FNDC1: variants seen among roughly 807,000 people sequenced by gnomAD.
The protein encoded by FNDC1 is fibronectin type III domain containing 1.
A neutral mutation model predicts 168.0 loss-of-function variants in FNDC1; 96 were observed. The observed-to-expected ratio is 0.57, with a 90% CI of 0.48 to 0.68. FNDC1 has a LOEUF of 0.68. Among genes scored for constraint, FNDC1 ranks in the 30% least tolerant of loss-of-function variants. The pLI, the probability that FNDC1 is intolerant of heterozygous loss-of-function variation, is 0.00. For synonymous variants in FNDC1, 1,099 were observed against 1,025.9 expected (o/e 1.07, Z -1.36); for missense variants, 2,587 against 2,482.1 (o/e 1.04, Z -0.90).
intron 14 of FNDC1, among the ~76,000 whole-genome samples, chr6:159,246,195 G>A (rs294913): frequency 0.86 from 131,583 of 152,186 alleles, 57,091 homozygotes; most frequent in Middle Eastern, 0.92. Context: ...ATCTGTAAAG[G>A]GAAATTTGCA....
At chr6:159,178,071 A>C (rs140629433) in intron 1 of FNDC1, among the ~76,000 whole-genome samples, 50 of 152,300 alleles carry the variant, frequency 3.3e-4, no homozygotes, top group African/African-American at 1.1e-3. Context: ...AAAGGCCAGC[A>C]GGGGAGGATT....
At chr6:159,252,958 C>A (rs1275004841) in intron 17 of FNDC1, among the ~76,000 whole-genome samples, 1 of 152,166 alleles carries the variant, frequency 6.6e-6, no homozygotes, top group Non-Finnish European at 1.5e-5. Flanking sequence ...GAAGAAGGAG[C>A]TTTCAGAGAA....
In FNDC1 at chr6:159,234,198, C is replaced by G. The variant is rs1245385970; in HGVS notation, c.3686C>G (p.Ala1229Gly). The G allele has an allele frequency of 6.3e-7, 1 of 1,598,626 alleles. No individual in the cohort carries two copies. The highest frequency in any genetic ancestry group is 8.5e-7 in the Non-Finnish European group (1 of 1,172,730). ...AAGGAAGAGAGGGAGCCTGCCATCG[C>G]GCTTGCCCCTCGCGGAGGGAGCCTG... Reference protein sequence around the residue: ...LAKEEREPAIALAPRGGSLAP... With the variant: ...LAKEEREPAIGLAPRGGSLAP... Residue 1229 changes from alanine to glycine, a missense_variant, in exon 11 of 23, where the codon GCG (alanine) becomes GGG (glycine). Physicochemically the swap from Ala to Gly is moderately conservative, Grantham distance 60. Transcript: ENST00000297267.
intron 1 of FNDC1, among the ~76,000 whole-genome samples, chr6:159,195,625 A>AAT (rs1782227113): frequency 6.6e-6 from 1 of 152,166 alleles, no homozygotes; most frequent in African/African-American, 2.4e-5. Context: ...CACAGAAATT[A>AAT]TTCTGTGCTG....
rs1781603138 is a variant in FNDC1, at chr6:159,169,547, G to A, written c.-50G>A. The A allele has an allele frequency of 1.7e-6, 1 of 584,114 alleles. No homozygotes were observed. The highest frequency in any genetic ancestry group is 2.3e-6 in the Non-Finnish European group (1 of 444,000). 36.2% of individuals were successfully genotyped at this position (584,114 alleles called of 1,614,324 possible). A position where few individuals can be genotyped will look rare whatever the true frequency, so the allele number is the denominator to read the frequency against. On this transcript the variant is annotated 5_prime_UTR_variant, in exon 1 of 23. Coordinates refer to ENST00000297267, the MANE Select transcript of FNDC1 (RefSeq NM_032532.3). The surrounding 1 kb of genome is among the most constrained non-coding windows in gnomAD (Gnocchi z 6.8). ...CGGCACTCCCCAGACTCCGGCCAGC[G>A]CCCCCCTGCCAGCCGCAAGCACCCA... is the stretch of plus-strand genomic sequence containing the variant.
rs370123496 is a variant in FNDC1 at position 159,232,727 on chromosome 6, C to G, written c.2215C>G (p.Pro739Ala). Residue 739 changes from proline (P) to alanine (A), a missense_variant, in exon 11 of 23, where the codon CCA becomes GCA. Coordinates refer to ENST00000297267, the MANE Select transcript of FNDC1 (RefSeq NM_032532.3). The surrounding 1 kb of genome is among the most constrained non-coding windows in gnomAD (Gnocchi z 4.9). ...GCCCACCCAGCCACACCTGAGCTCTCCACTTTCCAAGGGCGGGAAGGATGG... is the reference window on the plus strand; with the variant it reads ...GCCCACCCAGCCACACCTGAGCTCTGCACTTTCCAAGGGCGGGAAGGATGG... ...LLPTQPHLSS[P>A]LSKGGKDGED... is the part of the protein sequence containing the mutation. 37 of 1,613,780 alleles carry G rather than the reference C, an allele frequency of 2.3e-5. No homozygotes were observed. Among genetic ancestry groups the G allele is most frequent in the Non-Finnish European group, 3.1e-5 (36 of 1,179,872 alleles).
In FNDC1 at chr6:159,212,337, G is replaced by C. The variant is rs150524021; in HGVS notation, c.461-2608G>C. On this transcript the variant is annotated intron_variant, in intron 4 of 22. Coordinates refer to ENST00000297267, the MANE Select transcript of FNDC1 (RefSeq NM_032532.3). ...TACACAGATTTATTAGAGAATTTCAGAAGGCTTTGGTGAGGCTATCACATA... is the reference window on the plus strand; with the variant it reads ...TACACAGATTTATTAGAGAATTTCACAAGGCTTTGGTGAGGCTATCACATA... Among the ~76,000 whole-genome samples the C allele has an allele frequency of 3.8e-3, 575 of 152,328 alleles. 4 individuals are homozygous for C. The highest frequency in any genetic ancestry group is 0.013 in the African/African-American group (551 of 41,568).
intron 1 of FNDC1, among the ~76,000 whole-genome samples, chr6:159,183,103 G>C (rs1781917560): frequency 1.3e-5 from 2 of 152,184 alleles, no homozygotes; most frequent in South Asian, 4.1e-4. Context: ...CATGTGTGGA[G>C]TGTTTTATGA....
rs186464977 is a variant in FNDC1 at position 159,207,873 on chromosome 6, G to C, written c.461-7072G>C. On this transcript the variant is annotated intron_variant, in intron 4 of 22. Coordinates refer to ENST00000297267, the MANE Select transcript of FNDC1 (RefSeq NM_032532.3). ...ACAAATCAAAACTCTTTGAACTGAC[G>C]TCTGGTGTTAAATTTTCCTTAGAAT... Among the ~76,000 whole-genome samples, 19 of 152,254 alleles carry C rather than the reference G, an allele frequency of 1.2e-4. 1 individual carries two copies. Among genetic ancestry groups the C allele is most frequent in the Middle Eastern group, 3.4e-3 (1 of 294 alleles).
In FNDC1 at chr6:159,169,934, T is replaced by C. The variant is rs1156364805; in HGVS notation, c.109+229T>C. On this transcript the variant is annotated intron_variant, in intron 1 of 22. Coordinates refer to ENST00000297267, the MANE Select transcript of FNDC1 (RefSeq NM_032532.3). This position sits in a 1 kb window ranked among gnomAD's most constrained non-coding sequence, Gnocchi z 6.8. ...CGTTTAACTTTGCCGTCGCCCGCCT[T>C]GGAGTCGGGAGGCTCCAGCCGTCTA... 4.6e-6 allele frequency: 1 copy of C among 218,484 alleles called. No homozygotes were observed. Among genetic ancestry groups the C allele is most frequent in the African/African-American group, 2.3e-5 (1 of 43,144 alleles). 13.5% of individuals were successfully genotyped at this position (218,484 alleles called of 1,614,324 possible).
intron 13 of FNDC1, among the ~76,000 whole-genome samples, chr6:159,239,209 C>T (rs1248054744): frequency 5.3e-5 from 8 of 152,250 alleles, no homozygotes; most frequent in Middle Eastern, 3.4e-3. Context: ...AGAGACCATA[C>T]GGCCTATGAG....
At chr6:159,264,683 G>A (rs1017048160) in intron 19 of FNDC1, among the ~76,000 whole-genome samples, 1 of 152,192 alleles carries the variant, frequency 6.6e-6, no homozygotes, top group Non-Finnish European at 1.5e-5. Context: ...TCTAAAGGTA[G>A]ACAATTTTTT....
At chr6:159,236,405 T>A in intron 12 of FNDC1, 90 bp downstream of exon 12, 1 of 835,988 alleles carries the variant, frequency 1.2e-6, no homozygotes, top group Non-Finnish European at 2.0e-6. Flanking sequence ...AATGAAGTGG[T>A]CTTTGTTTGT....
Position 159,265,018 on chromosome 6 carries a change from C to G in FNDC1, c.5284+14C>G. 1 of 1,597,354 alleles carries G rather than the reference C, an allele frequency of 6.3e-7. No individual in the cohort carries two copies. The highest frequency in any genetic ancestry group is 8.6e-7 in the Non-Finnish European group (1 of 1,168,562). On this transcript the variant is annotated intron_variant, in intron 20 of 22. Transcript: ENST00000297267. ...TGAGGCCCCCAGGTAAGTTTATGTT[C>G]TTGATAATCTGGACATTCTGGTAAT... is the stretch of plus-strand genomic sequence containing the variant.
intron 2 of FNDC1, among the ~76,000 whole-genome samples, chr6:159,198,018 G>A (rs373987816): frequency 4.3e-4 from 65 of 152,306 alleles, no homozygotes; most frequent in Non-Finnish European, 8.2e-4. Flanking sequence ...TGGGCAAGTC[G>A]TATGCCCCTG....
intron 18 of FNDC1, 149 bp from the exon 19 acceptor site, chr6:159,261,041 A>G (rs746102870): frequency 6.3e-5 from 38 of 598,886 alleles, no homozygotes; most frequent in Admixed American, 9.9e-5. Flanking sequence ...TCAGAAAAAG[A>G]CATGAAGAAT....
intron 7 of FNDC1, 66 bp from the exon 8 acceptor site, chr6:159,225,469 C>A: frequency 7.7e-7 from 1 of 1,307,042 alleles, no homozygotes; most frequent in Non-Finnish European, 1.0e-6. Flanking sequence ...GAAGGAAAAA[C>A]AGCGAGGCAT....
chr6:159,264,243 T>C (rs1044098525), intron 19 of FNDC1, among the ~76,000 whole-genome samples: 4 of 152,250 alleles, frequency 2.6e-5, no homozygotes, highest in Non-Finnish European at 5.9e-5. Flanking sequence ...CCCAGGGTCC[T>C]TGTCTCTCTA....
At chr6:159,215,227 G>A in intron 5 of FNDC1, 76 bp downstream of exon 5, 1 of 1,311,748 alleles carries the variant, frequency 7.6e-7, no homozygotes, top group South Asian at 1.3e-5. Flanking sequence ...GCTCATTCAT[G>A]ACAGAGCATT....
Sources: gnomAD v4.1 joint callset for allele counts (sites outside exome capture counted in the v4.1 genomes callset) on GRCh38, gnomAD v4.1.1 for gene constraint, Gnocchi (gnomAD v3.1) non-coding constraint, MANE v1.5 for transcripts, NCBI Gene and HGNC (gene_info 2026-07-23, HGNC 2026-07-21) for gene names.